The following LRRC3C variants were observed in gnomAD, a reference collection of about 807,000 sequenced individuals.
The protein encoded by LRRC3C is leucine-rich repeat-containing protein 3C.
In LRRC3C, 11 loss-of-function variants were observed where a neutral mutation model predicts 14.8. The observed-to-expected ratio is 0.74, with a 90% CI of 0.47 to 1.23. LRRC3C has a LOEUF of 1.23. LRRC3C is among the 50% of genes most tolerant of loss of function. The pLI is 0.00. For missense variants in LRRC3C, 354 were observed against 361.8 expected, an observed-to-expected ratio of 0.98 and a Z score of 0.18; for synonymous variants, 149 against 161.5, an observed-to-expected ratio of 0.92 and a Z score of 0.59.
intron 1 of LRRC3C, among the ~76,000 whole-genome samples, chr17:39,935,386 C>T (rs908415300): frequency 2.6e-5 from 4 of 152,150 alleles, no homozygotes; most frequent in Non-Finnish European, 5.9e-5. Flanking sequence ...TCCCTCAACC[C>T]AAGCCTTCCC....
At chr17:39,942,172 TAAC>T (rs1978958815) in intron 3 of LRRC3C, among the ~76,000 whole-genome samples, 1 of 152,208 alleles carries the variant, frequency 6.6e-6, no homozygotes, top group African/African-American at 2.4e-5. Context: ...TCAGTAATCC[TAAC>T]AACTAGCCTT....
At position 39,940,291 on chromosome 17, in the gene LRRC3C, A is replaced by T. The variant is rs375766642; in HGVS notation, c.-81-1152A>T. On this transcript the variant is annotated intron_variant, in intron 2 of 3. Coordinates refer to ENST00000377924, the MANE Select transcript of LRRC3C (RefSeq NM_001195545.2). ...TTCTGAAACTGCTTGTTCAAAGGTA[A>T]CCTACAGGGCCAGCCTCACAGGCAT... is the stretch of plus-strand genomic sequence containing the variant. Among the ~76,000 whole-genome samples, 5 of 152,094 alleles carry T rather than the reference A, an allele frequency of 3.3e-5. No homozygotes were observed. The East Asian group carries it at 9.6e-4, about 29-fold the overall frequency.
chr17:39,930,052 G>A (rs1353904232), intron 1 of LRRC3C, among the ~76,000 whole-genome samples: 6 of 152,052 alleles, frequency 3.9e-5, no homozygotes, highest in African/African-American at 1.4e-4. Context: ...CACTTTGAGA[G>A]GCCAAGGCTT....
chr17:39,944,092 G>T lies in LRRC3C; in HGVS notation c.186G>T (p.Thr62=). 1.3e-6 allele frequency: 2 copies of T among 1,536,100 alleles called. No individual in the cohort carries two copies. The highest frequency in any genetic ancestry group is 1.7e-6 in the Non-Finnish European group (2 of 1,146,894). Residue 62 remains threonine (T), a synonymous_variant, in exon 4 of 4, where the codon ACG becomes ACT. Coordinates refer to ENST00000377924, the MANE Select transcript of LRRC3C (RefSeq NM_001195545.2). Reference sequence around the variant, plus strand: ...TGGCAAAGGAAGCAGGTGAACGGACGTTCCGCTGCAGCCAGGCAGGCCTCA... The same window carrying T: ...TGGCAAAGGAAGCAGGTGAACGGACTTTCCGCTGCAGCCAGGCAGGCCTCA... ...CYVAKEAGER[T]FRCSQAGLSA...
chr17:39,941,179 G>C (rs1288709501), intron 2 of LRRC3C, among the ~76,000 whole-genome samples: 2 of 151,734 alleles, frequency 1.3e-5, no homozygotes, highest in African/African-American at 4.8e-5. Flanking sequence ...GTGAAACCCT[G>C]TCTCTACTAA....
chr17:39,944,740 C>G lies in LRRC3C; in HGVS notation c.*6C>G, dbSNP rs887296491. On this transcript the variant is annotated 3_prime_UTR_variant, in exon 4 of 4. Coordinates refer to ENST00000377924, the MANE Select transcript of LRRC3C (RefSeq NM_001195545.2). ...TCCTCAGCACAGTGGTCTGATGACC[C>G]AGGATGCTCCTCCAGCCACACCCCA... 6.5e-7 allele frequency: 1 copy of G among 1,535,444 alleles called. No homozygotes were observed.
In LRRC3C at chr17:39,944,400, A is replaced by T; in HGVS notation, c.494A>T (p.Asp165Val). 1 of 1,510,296 alleles carries T rather than the reference A, an allele frequency of 6.6e-7. No individual in the cohort carries two copies. The highest frequency in any genetic ancestry group is 2.1e-5 in the Admixed American group (1 of 48,348). The allele number at this position is 1,510,296 out of a possible 1,614,324, so 93.6% of individuals were successfully genotyped here. A position where few individuals can be genotyped will look rare whatever the true frequency, so the allele number is the denominator to read the frequency against. Residue 165 changes from aspartate (D) to valine (V), a missense_variant, in exon 4 of 4, where the codon GAC (aspartate) becomes GTC (valine). Coordinates refer to ENST00000377924, the MANE Select transcript of LRRC3C (RefSeq NM_001195545.2). ...VNLSANPWHC[D>V]CALQEVLRQV... Reference sequence around the variant, plus strand: ...CTATCCGCAAACCCATGGCACTGTGACTGCGCCCTCCAGGAAGTGCTCCGG... The same window carrying T: ...CTATCCGCAAACCCATGGCACTGTGTCTGCGCCCTCCAGGAAGTGCTCCGG...
intron 3 of LRRC3C, among the ~76,000 whole-genome samples, chr17:39,942,630 T>C (rs1978969363): frequency 6.6e-6 from 1 of 152,036 alleles, no homozygotes; most frequent in South Asian, 2.1e-4. Context: ...CAAACTGAAA[T>C]TGAACCACAG....
At chr17:39,939,526 C>G in intron 2 of LRRC3C, 6 of 496,282 alleles carry the variant, frequency 1.2e-5, no homozygotes, top group Non-Finnish European at 1.6e-5. Flanking sequence ...AGATGAAGCC[C>G]CAGCATAACT....
At chr17:39,930,986 A>G (rs1017030571) in intron 1 of LRRC3C, among the ~76,000 whole-genome samples, 5 of 151,056 alleles carry the variant, frequency 3.3e-5, no homozygotes, top group African/African-American at 9.8e-5. Flanking sequence ...TACTAAAAAT[A>G]CAAAAATTAG....
At chr17:39,933,510 A>G (rs1047854720) in intron 1 of LRRC3C, among the ~76,000 whole-genome samples, 14 of 152,278 alleles carry the variant, frequency 9.2e-5, no homozygotes, top group East Asian at 7.7e-4. Context: ...CGAGGCGGGC[A>G]GATCACGAGG....
chr17:39,933,409 G>C (rs1568116953), intron 1 of LRRC3C, among the ~76,000 whole-genome samples: 2 of 152,084 alleles, frequency 1.3e-5, no homozygotes, highest in Non-Finnish European at 2.9e-5. Context: ...GCTGCTGGCC[G>C]TGTTCAGAAG....
Position 39,944,269 on chromosome 17 carries a change from G to C in LRRC3C, c.363G>C (p.Ala121=). Residue 121 remains alanine (A), a synonymous_variant, in exon 4 of 4, where the codon GCG becomes GCC. Transcript: ENST00000377924. The part of the protein sequence containing the change: ...SHNALAHLSG[A]AFQGLEGTLR... ...ATGCCCTTGCCCACCTCTCAGGGGC[G>C]GCTTTCCAGGGCCTGGAGGGCACAT... is the stretch of plus-strand genomic sequence containing the variant. The C allele has an allele frequency of 6.5e-7, 1 of 1,534,816 alleles. No homozygotes were observed. The highest frequency in any genetic ancestry group is 8.7e-7 in the Non-Finnish European group (1 of 1,146,272).
chr17:39,931,851 A>G (rs563155363), intron 1 of LRRC3C, among the ~76,000 whole-genome samples: 3 of 152,016 alleles, frequency 2.0e-5, no homozygotes, highest in Admixed American at 2.0e-4. Context: ...GGGTTTCACC[A>G]TGTTGGCCAG....
chr17:39,943,479 C>G (rs531209798), intron 3 of LRRC3C, among the ~76,000 whole-genome samples: 10 of 152,288 alleles, frequency 6.6e-5, no homozygotes, highest in Admixed American at 3.9e-4. Context: ...GCCCTGACAC[C>G]CTGTCGCTCA....
chr17:39,930,699 G>C (rs1268725439), intron 1 of LRRC3C, among the ~76,000 whole-genome samples: 1 of 95,950 alleles, frequency 1.0e-5, no homozygotes, highest in Non-Finnish European at 1.9e-5. Flanking sequence ...ACTGAGCAAG[G>C]CTCTGTCTCA....
chr17:39,933,832 TGAAG>T (rs1978724650), intron 1 of LRRC3C, among the ~76,000 whole-genome samples: 1 of 152,166 alleles, frequency 6.6e-6, no homozygotes, highest in Admixed American at 6.5e-5. Context: ...ACCTGCTTCC[TGAAG>T]GGAGGGTGGT....
intron 2 of LRRC3C, chr17:39,939,228 A>G: frequency 6.2e-6 from 2 of 324,904 alleles, no homozygotes; most frequent in Non-Finnish European, 4.4e-6. Context: ...TGAATCATCA[A>G]GGACTGAGTG....
rs1216179869 is a variant in LRRC3C, at chr17:39,944,588, A to C, written c.682A>C (p.Thr228Pro). The change falls in exon 4 of 4, where the codon ACC (threonine) becomes CCC (proline). Residue 228 changes from threonine (T) to proline (P), a missense_variant. Thr to Pro is a conservative substitution (Grantham distance 38). Coordinates refer to ENST00000377924, the MANE Select transcript of LRRC3C (RefSeq NM_001195545.2). ...RRSTDVALLV[T>P]MGGWLTLMVA... ...GAGCACCGATGTGGCCCTGCTGGTC[A>C]CCATGGGGGGCTGGCTGACACTCAT... The C allele has an allele frequency of 1.3e-6, 2 of 1,534,844 alleles. No individual in the cohort carries two copies. The highest frequency in any genetic ancestry group is 1.7e-6 in the Non-Finnish European group (2 of 1,146,468).
Sources: gnomAD v4.1 joint callset for allele counts (sites outside exome capture counted in the v4.1 genomes callset) on GRCh38, gnomAD v4.1.1 for gene constraint, MANE v1.5 for transcripts, NCBI Gene and HGNC (gene_info 2026-07-23, HGNC 2026-07-21) for gene names.